The following LCTL variants were observed in gnomAD, a reference collection of about 807,000 sequenced individuals.
The protein encoded by LCTL is lactase-like protein.
LCTL carries 76 observed loss-of-function variants against 75.8 expected under a neutral mutation model. The ratio of observed to expected loss-of-function variants is 1.00; its 90% CI spans 0.83 to 1.21. LCTL has a LOEUF of 1.21. LCTL is among the 50% of genes most tolerant of loss of function. LCTL has a pLI of 0.00. For synonymous variants in LCTL, 271 were observed against 268.8 expected, an observed-to-expected ratio of 1.01 and a Z score of -0.08; for missense variants, 670 against 712.4, an observed-to-expected ratio of 0.94 and a Z score of 0.68.
intron 8 of LCTL, among the ~76,000 whole-genome samples, chr15:66,557,166 C>G (rs1595706484): frequency 6.6e-6 from 1 of 152,212 alleles, no homozygotes; most frequent in Non-Finnish European, 1.5e-5. Context: ...GATTACCTAG[C>G]CCTGCATCAC....
In LCTL at chr15:66,560,473, C is replaced by T. The variant is rs573457948; in HGVS notation, c.705+533G>A. ...GGCCCTAAGAGCACCTCCGCTGCAG[C>T]TCCTTCAAGCAGAGGCCATTTGTTC... is the stretch of plus-strand genomic sequence containing the variant. On this transcript the variant is annotated intron_variant, in intron 6 of 12. Coordinates refer to ENST00000341509, the Ensembl canonical transcript of LCTL. Among the ~76,000 whole-genome samples, 6 of 152,316 alleles carry T rather than the reference C, an allele frequency of 3.9e-5. No homozygotes were observed. In the South Asian group the frequency reaches 1.2e-3, roughly 32 times the overall value.
rs753737192 is a variant in LCTL, at chr15:66,561,038, C to T, written c.673G>A (p.Gly225Ser). The change falls in exon 6 of 13, where the codon GGC becomes AGC. Residue 225 changes from glycine to serine, a missense_variant. By Grantham distance (56) the Gly-to-Ser change is moderately conservative. Coordinates refer to ENST00000341509, the Ensembl canonical transcript of LCTL. ...ATGTGGTGTGCTGCCTTGTACAGGC[C>T]GGTGCCGCGGAGCTTCAGGCCCGGC... 33 of 1,613,998 alleles carry T rather than the reference C, an allele frequency of 2.0e-5. No homozygotes were observed. Among genetic ancestry groups the T allele is most frequent in the African/African-American group, 2.7e-5 (2 of 74,922 alleles).
At chr15:66,562,606 C>T (rs1261830776) in intron 4 of LCTL, among the ~76,000 whole-genome samples, 8 of 146,108 alleles carry the variant, frequency 5.5e-5, no homozygotes, top group African/African-American at 1.0e-4. Flanking sequence ...TTTTTTTAGA[C>T]GGAATTTCAT....
At chr15:66,553,797 T>C (rs1388341851) in intron 8 of LCTL, among the ~76,000 whole-genome samples, 1 of 151,070 alleles carries the variant, frequency 6.6e-6, no homozygotes, top group African/African-American at 2.4e-5. Flanking sequence ...GATTACTCAG[T>C]AAGTGGTGTG....
intron 8 of LCTL, among the ~76,000 whole-genome samples, chr15:66,556,276 A>G (rs1403155244): frequency 2.6e-5 from 4 of 152,162 alleles, no homozygotes. Flanking sequence ...TGAATGAATA[A>G]GCATAATATG....
chr15:66,557,927 A>T, intron 7 of LCTL, 44 bp from the exon 9 acceptor site: 1 of 1,609,776 alleles, frequency 6.2e-7, no homozygotes, highest in Non-Finnish European at 8.5e-7. Context: ...TGGGCATGCC[A>T]TTGCTGCTCC....
intron 11 of LCTL, 30 bp downstream of exon 12, chr15:66,551,632 A>G (rs773026661): frequency 1.3e-5 from 21 of 1,573,042 alleles, no homozygotes; most frequent in Non-Finnish European, 1.7e-5. Flanking sequence ...CCTAAAGTTC[A>G]GAACAGATAA....
chr15:66,565,095 A>T (rs1438495455), intron 1 of LCTL, among the ~76,000 whole-genome samples, 153 bp downstream of exon 2: 4 of 149,628 alleles, frequency 2.7e-5, no homozygotes, highest in Non-Finnish European at 6.0e-5. Flanking sequence ...TCAAAAAAAA[A>T]ATATCTGTTA....
At chr15:66,557,998 C>A in exon 7 of LCTL, 1 of 1,608,106 alleles carries the variant, frequency 6.2e-7, no homozygotes, top group African/African-American at 1.3e-5. Flanking sequence ...GCTTGCTGCG[C>A]CACGTGGTGT....
At chr15:66,552,901 T>C (rs1170686224) in intron 9 of LCTL, 83 bp downstream of exon 10, 6 of 1,248,426 alleles carry the variant, frequency 4.8e-6, no homozygotes, top group African/African-American at 1.5e-5. Flanking sequence ...TTATTAACTT[T>C]CTAATGTAGG....
chr15:66,559,995 G>A (rs371356778), intron 6 of LCTL, among the ~76,000 whole-genome samples: 2 of 152,020 alleles, frequency 1.3e-5, no homozygotes, highest in East Asian at 3.9e-4. Flanking sequence ...AATGAGGCAG[G>A]AGAATGGCTT....
exon 11 of LCTL, chr15:66,551,784 A>T (rs1163945236): frequency 1.9e-6 from 3 of 1,613,758 alleles, no homozygotes; most frequent in Non-Finnish European, 2.5e-6. Context: ...TATCTATCTG[A>T]GTATCCTTTC....
At position 66,565,404 on chromosome 15, in the gene LCTL, G is replaced by T; in HGVS notation, c.-39C>A. ...CCCCCATACCTGAAAAAGTGCAGCT[G>T]GCTCTGCAGGCCCCTGCAGCCAGGC... On this transcript the variant is annotated 5_prime_UTR_variant, in exon 1 of 13. Transcript: ENST00000341509. 7.6e-7 allele frequency: 1 copy of T among 1,317,812 alleles called. No individual in the cohort carries two copies. Among genetic ancestry groups the T allele is most frequent in the Non-Finnish European group, 1.1e-6 (1 of 931,700 alleles). The allele number at this position is 1,317,812 out of a possible 1,614,324, so 81.6% of individuals were successfully genotyped here. A position where few individuals can be genotyped will look rare whatever the true frequency, so the allele number is the denominator to read the frequency against.
chr15:66,550,529 G>A (rs1389769955), intron 11 of LCTL, among the ~76,000 whole-genome samples: 4 of 152,108 alleles, frequency 2.6e-5, no homozygotes, highest in Non-Finnish European at 5.9e-5. Context: ...TGCCCAGGCT[G>A]GAGTGCAGTG....
At chr15:66,563,943 G>C in exon 3 of LCTL, 2 of 1,614,200 alleles carry the variant, frequency 1.2e-6, no homozygotes, top group South Asian at 1.1e-5. Flanking sequence ...CCGGGGCCAA[G>C]ACAGGGAGAA....
At chr15:66,560,953 G>A in intron 6 of LCTL, 53 bp downstream of exon 7, 2 of 1,549,684 alleles carry the variant, frequency 1.3e-6, no homozygotes, top group Non-Finnish European at 1.8e-6. Context: ...GAGCCCCTGG[G>A]GCAGGCTGAG....
exon 11 of LCTL, chr15:66,551,687 G>A: frequency 6.2e-7 from 1 of 1,613,974 alleles, no homozygotes. Flanking sequence ...AAACCCATTG[G>A]CAATGATAAT....
chr15:66,550,100 T>C (rs1329395580), exon 12 of LCTL: 5 of 1,596,994 alleles, frequency 3.1e-6, no homozygotes, highest in Non-Finnish European at 3.4e-6. Context: ...GTACCAACTT[T>C]CCACCTAATA....
chr15:66,565,631 C>T, upstream of LCTL: 1 of 446,702 alleles, frequency 2.2e-6, no homozygotes, highest in South Asian at 3.3e-5. Flanking sequence ...GGAGACCCAG[C>T]CCATACCCCT....
Sources: allele counts gnomAD v4.1 joint callset (sites outside exome capture counted in the v4.1 genomes callset), GRCh38; gene constraint gnomAD v4.1.1; transcripts MANE v1.5; gene names NCBI Gene and HGNC (gene_info 2026-07-23, HGNC 2026-07-21).